Variants in CEP170 observed in about 807,000 individuals in gnomAD.
CEP170 encodes the protein centrosomal protein 170.
CEP170 carries 21 observed loss-of-function variants against 151.9 expected under a neutral mutation model. The ratio of observed to expected loss-of-function variants is 0.14; its 90% CI spans 0.10 to 0.20. CEP170 has a LOEUF of 0.20. CEP170 is among the 10% of genes least tolerant of loss of function. CEP170 has a pLI of 1.00. For missense variants in CEP170, 964 were observed against 1,892.9 expected (o/e 0.51, Z 9.11); for synonymous variants, 356 against 648.8 (o/e 0.55, Z 6.86).
Position 243,190,666 on chromosome 1 carries a change from T to C in CEP170, c.1108+352A>G, listed in dbSNP as rs146283447. Among the ~76,000 whole-genome samples the C allele has an allele frequency of 6.8e-3, 1,043 of 152,300 alleles. 14 individuals are homozygous for C. Among genetic ancestry groups the C allele is most frequent in the African/African-American group, 0.024 (991 of 41,574 alleles). ...TATTGATCTCAATAGAGAACAGAAT[T>C]GAATATATCTTTTCCTTAAATCAAG... On this transcript the variant is annotated intron_variant, in intron 8 of 19. Coordinates refer to ENST00000366542, the MANE Select transcript of CEP170 (RefSeq NM_014812.3).
intron 14 of CEP170, among the ~76,000 whole-genome samples, chr1:243,144,410 A>G (rs1490636486): frequency 6.6e-6 from 1 of 152,224 alleles, no homozygotes. Flanking sequence ...TGATTGCTCC[A>G]TATATAATTT....
At chr1:243,217,849 C>T (rs2062441086) in intron 3 of CEP170, among the ~76,000 whole-genome samples, 1 of 152,168 alleles carries the variant, frequency 6.6e-6, no homozygotes, top group South Asian at 2.1e-4. Context: ...AAGTAATCAT[C>T]AAGATCTTGG....
chr1:243,219,741 G>C (rs1445744561), intron 3 of CEP170, among the ~76,000 whole-genome samples: 1 of 152,166 alleles, frequency 6.6e-6, no homozygotes, highest in Non-Finnish European at 1.5e-5. Context: ...TCCACATATA[G>C]AAGTTAAAAT....
At chr1:243,181,521 AACT>A (rs2059616840) in intron 10 of CEP170, among the ~76,000 whole-genome samples, 1 of 152,276 alleles carries the variant, frequency 6.6e-6, no homozygotes, top group African/African-American at 2.4e-5. Context: ...ACTATCTTTT[AACT>A]ACTACCAGCA....
chr1:243,194,348 T>C (rs1326588830), intron 7 of CEP170, among the ~76,000 whole-genome samples: 1 of 151,980 alleles, frequency 6.6e-6, no homozygotes, highest in African/African-American at 2.4e-5. Flanking sequence ...TTATTGATTA[T>C]ATCAATATTG....
intron 4 of CEP170, among the ~76,000 whole-genome samples, chr1:243,205,220 G>A (rs530216100): frequency 3.9e-5 from 6 of 152,238 alleles, no homozygotes; most frequent in African/African-American, 1.4e-4. Context: ...GAGATTTTCA[G>A]TCTCTGGAAA....
intron 1 of CEP170, among the ~76,000 whole-genome samples, chr1:243,233,173 G>T (rs749010964): frequency 6.6e-6 from 1 of 152,132 alleles, no homozygotes; most frequent in Non-Finnish European, 1.5e-5. Context: ...AGACACTTGG[G>T]TGTCAGATGG....
intron 3 of CEP170, among the ~76,000 whole-genome samples, chr1:243,221,106 G>A (rs2062768527): frequency 6.6e-6 from 1 of 151,996 alleles, no homozygotes; most frequent in East Asian, 1.9e-4. Flanking sequence ...CTCACAACAA[G>A]CTCCGCCTCC....
intron 3 of CEP170, among the ~76,000 whole-genome samples, chr1:243,214,835 T>C (rs2062127955): frequency 1.3e-5 from 2 of 152,222 alleles, no homozygotes; most frequent in South Asian, 4.1e-4. Context: ...TTGTCATGTC[T>C]AATTTTTTAT....
At chr1:243,164,206 ACTTTT>A (rs2058284930) in intron 13 of CEP170, 73 bp downstream of exon 13, 1 of 1,230,566 alleles carries the variant, frequency 8.1e-7, no homozygotes, top group African/African-American at 1.6e-5. Flanking sequence ...CTAGAACCTT[ACTTTT>A]TTTTTTAAAA....
chr1:243,183,949 T>C (rs1480049665), intron 10 of CEP170, among the ~76,000 whole-genome samples: 1 of 152,168 alleles, frequency 6.6e-6, no homozygotes, highest in African/African-American at 2.4e-5. Flanking sequence ...GAGTTTCATC[T>C]GCTACAATGA....
chr1:243,237,632 TG>T, intron 1 of CEP170, among the ~76,000 whole-genome samples: 1 of 152,222 alleles, frequency 6.6e-6, no homozygotes, highest in Admixed American at 6.5e-5. Context: ...CCAGGCATGG[TG>T]GCTCACGCCT....
At chr1:243,160,409 A>C (rs2057969797) in intron 13 of CEP170, among the ~76,000 whole-genome samples, 1 of 152,144 alleles carries the variant, frequency 6.6e-6, no homozygotes, top group African/African-American at 2.4e-5. Context: ...CATTCATTAC[A>C]AAATTTATTT....
intron 17 of CEP170, among the ~76,000 whole-genome samples, chr1:243,130,372 G>T (rs2054261209): frequency 6.6e-6 from 1 of 152,012 alleles, no homozygotes; most frequent in Non-Finnish European, 1.5e-5. Flanking sequence ...TAACCTATTA[G>T]GAATTAGGAT....
intron 4 of CEP170, 133 bp downstream of exon 4, chr1:243,211,753 G>T: frequency 3.0e-6 from 3 of 1,001,254 alleles, no homozygotes; most frequent in Non-Finnish European, 4.4e-6. Context: ...ATGTATTTTA[G>T]TATAGGAATG....
intron 10 of CEP170, among the ~76,000 whole-genome samples, chr1:243,181,476 A>C (rs562125296): frequency 6.6e-6 from 1 of 152,222 alleles, no homozygotes; most frequent in African/African-American, 2.4e-5. Flanking sequence ...CTGTAATCTC[A>C]TAACTTGGCG....
intron 17 of CEP170, among the ~76,000 whole-genome samples, chr1:243,130,243 G>A (rs892961251): frequency 6.6e-6 from 1 of 152,110 alleles, no homozygotes; most frequent in Non-Finnish European, 1.5e-5. Context: ...CTTTATATGG[G>A]AATAAGCACC....
intron 14 of CEP170, among the ~76,000 whole-genome samples, chr1:243,147,157 G>A (rs1175177520): frequency 6.6e-6 from 1 of 152,136 alleles, no homozygotes; most frequent in African/African-American, 2.4e-5. Flanking sequence ...ATATAAAAAA[G>A]TACCCAGATG....
At chr1:243,247,041 A>C (rs974035779) in intron 1 of CEP170, among the ~76,000 whole-genome samples, 19 of 151,844 alleles carry the variant, frequency 1.3e-4, no homozygotes, top group Non-Finnish European at 2.1e-4. Flanking sequence ...CATTTCCCCC[A>C]CCCTCCTGCT....
Sources: gnomAD v4.1 joint callset for allele counts (sites outside exome capture counted in the v4.1 genomes callset) on GRCh38, gnomAD v4.1.1 for gene constraint, MANE v1.5 for transcripts, NCBI Gene and HGNC (gene_info 2026-07-23, HGNC 2026-07-21) for gene names.